Variants in PCSK5 observed in about 807,000 individuals in gnomAD.
PCSK5 encodes the protein proprotein convertase subtilisin/kexin type 5.
Under a neutral mutation model 233.2 loss-of-function variants are expected in PCSK5, and 129 were observed. The ratio of observed to expected loss-of-function variants is 0.55; its 90% confidence interval spans 0.48 to 0.64. The LOEUF (loss-of-function observed/expected upper bound fraction) is 0.64. PCSK5 is among the 30% of genes least tolerant of loss of function. The pLI is 0.00. For synonymous variants in PCSK5, 825 were observed against 879.2 expected (o/e 0.94, Z 1.09); for missense variants, 2,076 against 2,430.1 (o/e 0.85, Z 3.06).
chr9:75,920,526 T>C (rs7856601), intron 1 of PCSK5, among the ~76,000 whole-genome samples: 110,530 of 152,142 alleles, frequency 0.73, 41,458 homozygotes, highest in African/African-American at 0.86. Context: ...AGCTCAAGGC[T>C]GGGTGGTATG....
rs1830491480 is a variant in PCSK5, at chr9:76,071,808, C to T, written c.804C>T (p.Tyr268=). 6.2e-7 allele frequency: 1 copy of T among 1,614,090 alleles called. No homozygotes were observed. The highest frequency in any genetic ancestry group is 1.1e-5 in the South Asian group (1 of 91,088). The change falls in exon 7 of 38, where the codon TAC becomes TAT. Residue 268 remains tyrosine, a synonymous_variant. Coordinates refer to ENST00000674117, the MANE Select transcript of PCSK5 (RefSeq NM_001372043.1). The part of the protein sequence containing the change: ...VSFNPQHVHI[Y]SASWGPDDDG... ...TCAACCCCCAGCACGTGCACATTTACAGCGCCAGCTGGGGCCCGGATGATG... is the reference window on the plus strand; with the variant it reads ...TCAACCCCCAGCACGTGCACATTTATAGCGCCAGCTGGGGCCCGGATGATG...
At chr9:75,996,549 G>A (rs1309539027) in intron 3 of PCSK5, among the ~76,000 whole-genome samples, 1 of 152,182 alleles carries the variant, frequency 6.6e-6, no homozygotes, top group Non-Finnish European at 1.5e-5. Context: ...GCTATATTAA[G>A]AATGTCAAAT....
intron 35 of PCSK5, among the ~76,000 whole-genome samples, chr9:76,343,447 C>T (rs1016784566): frequency 6.6e-6 from 1 of 151,024 alleles, no homozygotes; most frequent in African/African-American, 2.4e-5. Flanking sequence ...AAGTGATCTG[C>T]CTGCCTCAGC....
At chr9:76,236,886 T>C (rs181062991) in intron 22 of PCSK5, among the ~76,000 whole-genome samples, 2 of 152,342 alleles carry the variant, frequency 1.3e-5, no homozygotes, top group Admixed American at 6.5e-5. Context: ...TTAAGATTGA[T>C]GATCCAGTTG....
chr9:76,291,293 A>G (rs1482346970), intron 24 of PCSK5, among the ~76,000 whole-genome samples: 1 of 152,196 alleles, frequency 6.6e-6, no homozygotes. Flanking sequence ...GGCAGAATAG[A>G]TTAGAAAGGA....
intron 1 of PCSK5, among the ~76,000 whole-genome samples, chr9:75,931,287 T>G (rs1823783371): frequency 6.6e-6 from 1 of 151,824 alleles, no homozygotes; most frequent in Non-Finnish European, 1.5e-5. Flanking sequence ...AAAGCTGAAC[T>G]TTTGACTTGT....
intron 7 of PCSK5, among the ~76,000 whole-genome samples, chr9:76,088,530 A>G (rs1831154862): frequency 6.6e-6 from 1 of 152,354 alleles, no homozygotes; most frequent in East Asian, 1.9e-4. Flanking sequence ...TCTACATTGC[A>G]TTGGACAAAA....
At chr9:76,226,226 A>G (rs1309235963) in intron 20 of PCSK5, among the ~76,000 whole-genome samples, 1 of 152,200 alleles carries the variant, frequency 6.6e-6, no homozygotes, top group African/African-American at 2.4e-5. Context: ...ATAACCCTAC[A>G]TGAAAGGCTT....
At position 76,358,951 on chromosome 9, in the gene PCSK5, T is replaced by C; in HGVS notation, c.*29T>C. On this transcript the variant is annotated 3_prime_UTR_variant, in exon 38 of 38. Transcript: ENST00000674117. ...GGCACTCCCCCACCAACACCACCATTCCACTCTCAGGCATGCCTGTGAGCA... is the reference window on the plus strand; with the variant it reads ...GGCACTCCCCCACCAACACCACCATCCCACTCTCAGGCATGCCTGTGAGCA... 1 of 1,595,590 alleles carries C rather than the reference T, an allele frequency of 6.3e-7. No homozygotes were observed.
chr9:76,029,899 A>G (rs1333127508), intron 5 of PCSK5, among the ~76,000 whole-genome samples: 3 of 152,210 alleles, frequency 2.0e-5, no homozygotes, highest in Non-Finnish European at 4.4e-5. Context: ...CCTTGGTAAA[A>G]TAACCAGTTT....
At chr9:76,067,663 A>G (rs1336537500) in intron 5 of PCSK5, among the ~76,000 whole-genome samples, 1 of 152,238 alleles carries the variant, frequency 6.6e-6, no homozygotes, top group Non-Finnish European at 1.5e-5. Flanking sequence ...TATGTGGATC[A>G]GTAGAAGTTT....
intron 13 of PCSK5, among the ~76,000 whole-genome samples, chr9:76,172,329 C>A (rs1425711527): frequency 4.0e-5 from 6 of 151,126 alleles, no homozygotes; most frequent in African/African-American, 1.5e-4. Context: ...ATATTAATTG[C>A]AAAATCATCT....
intron 34 of PCSK5, among the ~76,000 whole-genome samples, chr9:76,337,010 T>C (rs1006730227): frequency 1.3e-5 from 2 of 151,828 alleles, no homozygotes; most frequent in African/African-American, 4.8e-5. Flanking sequence ...ACTTAATGAA[T>C]AGTGGTTATA....
intron 2 of PCSK5, among the ~76,000 whole-genome samples, chr9:75,934,694 G>A (rs933737535): frequency 6.6e-6 from 1 of 151,712 alleles, no homozygotes; most frequent in African/African-American, 2.4e-5. Flanking sequence ...CGATTCTCCT[G>A]CCTCAGCCTC....
chr9:76,071,863 C>G lies in PCSK5; in HGVS notation c.859C>G (p.Leu287Val), dbSNP rs750391450. 2 of 1,614,168 alleles carry G rather than the reference C, an allele frequency of 1.2e-6. No homozygotes were observed. Among genetic ancestry groups the G allele is most frequent in the Non-Finnish European group, 1.7e-6 (2 of 1,180,018 alleles). The change falls in exon 7 of 38, where the codon CTC becomes GTC. Residue 287 changes from leucine (L) to valine (V), a missense_variant. Physicochemically the swap from Leu to Val is conservative, Grantham distance 32 (BLOSUM62 1). Coordinates refer to ENST00000674117, the MANE Select transcript of PCSK5 (RefSeq NM_001372043.1). ...CAAGACTGTGGACGGACCAGCCCCC[C>G]TCACCCGGCAAGCCTTTGAAAACGG... is the stretch of plus-strand genomic sequence containing the variant. ...DGKTVDGPAP[L>V]TRQAFENGVR... is the part of the protein sequence containing the mutation.
At chr9:76,240,940 G>A (rs376719843) in intron 24 of PCSK5, among the ~76,000 whole-genome samples, 62 of 152,300 alleles carry the variant, frequency 4.1e-4, no homozygotes, top group African/African-American at 1.4e-3. Flanking sequence ...CTTTTCCTCT[G>A]GTTGTCAATG....
intron 5 of PCSK5, among the ~76,000 whole-genome samples, chr9:76,055,476 C>T (rs374406363): frequency 9.9e-5 from 15 of 152,036 alleles, no homozygotes; most frequent in Middle Eastern, 3.4e-3. Context: ...AATGCATTTT[C>T]GGCTATTTTC....
chr9:76,261,462 T>G (rs1354820558), intron 24 of PCSK5, among the ~76,000 whole-genome samples: 1 of 152,124 alleles, frequency 6.6e-6, no homozygotes, highest in Non-Finnish European at 1.5e-5. Context: ...ATCAGTAGCA[T>G]TTTTACACAG....
rs552499280 is a variant in PCSK5, at chr9:76,045,708, T to G, written c.632+18671T>G. Among the ~76,000 whole-genome samples the G allele has an allele frequency of 5.9e-5, 9 of 152,382 alleles. No individual in the cohort carries two copies. In the East Asian group the frequency reaches 1.7e-3, roughly 29 times the overall value. ...ACAAAGTTCTTTAACTCATTGTGAT[T>G]TATTAATAAATTAATAACTGACTTG... On this transcript the variant is annotated intron_variant, in intron 5 of 37. Transcript: ENST00000674117.
Sources: allele counts gnomAD v4.1 joint callset (sites outside exome capture counted in the v4.1 genomes callset), GRCh38; gene constraint gnomAD v4.1.1; transcripts MANE v1.5; gene names NCBI Gene and HGNC (gene_info 2026-07-23, HGNC 2026-07-21).